RAB27B: variants seen among roughly 807,000 people sequenced by gnomAD.
The protein encoded by RAB27B is ras-related protein Rab-27B.
In RAB27B, 15 loss-of-function variants were observed where a neutral mutation model predicts 24.6. That is an observed-to-expected ratio of 0.61 (90% CI 0.41 to 0.94). The LOEUF is 0.94. Ranked by LOEUF, RAB27B falls within the 40% of genes least tolerant of loss-of-function variation. The probability of loss-of-function intolerance (pLI) is 0.00; values close to 1 mark genes in which losing one functional copy is unlikely to be tolerated. For missense variants in RAB27B, 261 were observed against 266.8 expected (o/e 0.98, Z 0.15); for synonymous variants, 105 against 92.5 (o/e 1.14, Z -0.78).
At chr18:54,781,084 T>C (rs1908901814) in intron 2 of RAB27B, among the ~76,000 whole-genome samples, 1 of 152,164 alleles carries the variant, frequency 6.6e-6, no homozygotes, top group African/African-American at 2.4e-5. Context: ...CTGCCCTGCA[T>C]TATCTCTGAC....
chr18:54,859,558 C>T (rs1911930306), intron 1 of RAB27B, among the ~76,000 whole-genome samples: 1 of 151,610 alleles, frequency 6.6e-6, no homozygotes, highest in Non-Finnish European at 1.5e-5. Context: ...TCTCTGTTGT[C>T]AGAACCTTAG....
chr18:54,795,201 G>A (rs574760927), intron 2 of RAB27B, among the ~76,000 whole-genome samples: 4 of 152,196 alleles, frequency 2.6e-5, no homozygotes, highest in Non-Finnish European at 5.9e-5. Flanking sequence ...AGTATAGCTT[G>A]AGCCCCCCCA....
At chr18:54,835,465 TCCTAAGGTTTGTAATA>T (rs1248535832) in intron 1 of RAB27B, among the ~76,000 whole-genome samples, 1 of 151,974 alleles carries the variant, frequency 6.6e-6, no homozygotes, top group Non-Finnish European at 1.5e-5. Flanking sequence ...ATCTTAATCT[TCCTAAGGTTTGTAATA>T]CCTATTCTCA....
At chr18:54,763,867 T>C (rs983924866) in intron 2 of RAB27B, among the ~76,000 whole-genome samples, 4 of 152,126 alleles carry the variant, frequency 2.6e-5, no homozygotes, top group African/African-American at 9.7e-5. Context: ...AGAGATATGA[T>C]GGAGCCTGGT....
At chr18:54,858,857 G>A (rs180981598) in intron 1 of RAB27B, among the ~76,000 whole-genome samples, 1 of 152,302 alleles carries the variant, frequency 6.6e-6, no homozygotes, top group East Asian at 1.9e-4. Flanking sequence ...TGATTCTCAA[G>A]AATTTGAGAC....
At position 54,879,453 on chromosome 18, in the gene RAB27B, C is replaced by A. The variant is rs376553954; in HGVS notation, c.238C>A (p.Arg80=). ...GCTTTGGGACACTGCGGGACAAGAG[C>A]GGTAATAGTAAATTGCTTTATTTGT... ...LQLWDTAGQE[R]FRSLTTAFFR... is the part of the protein sequence containing the mutation. The change falls in exon 3 of 6, where the codon CGG becomes AGG. Residue 80 remains arginine, a splice_region_variant and synonymous_variant. Transcript: ENST00000262094. The A allele has an allele frequency of 1.6e-5, 26 of 1,607,976 alleles. No homozygotes were observed. The highest frequency in any genetic ancestry group is 3.3e-5 in the Admixed American group (2 of 59,960).
At chr18:54,810,698 C>G (rs553288398) in intron 2 of RAB27B, among the ~76,000 whole-genome samples, 1 of 151,790 alleles carries the variant, frequency 6.6e-6, no homozygotes, top group Admixed American at 6.6e-5. Context: ...GGTGTGGTGG[C>G]GGGCACCTGT....
chr18:54,766,460 A>AT (rs1908365648), intron 2 of RAB27B, among the ~76,000 whole-genome samples: 1 of 149,668 alleles, frequency 6.7e-6, no homozygotes, highest in African/African-American at 2.5e-5. Context: ...ATGTCTCCAC[A>AT]TCTCCTTTTT....
intron 4 of RAB27B, among the ~76,000 whole-genome samples, chr18:54,887,021 TCCTC>T (rs1173610191): frequency 0.031 from 2,288 of 72,900 alleles, 166 homozygotes; most frequent in African/African-American, 0.11. Flanking sequence ...CTCCCTCCCT[TCCTC>T]CCTCCCTCCC....
chr18:54,795,975 A>C (rs1251313646), intron 2 of RAB27B, among the ~76,000 whole-genome samples: 1 of 152,222 alleles, frequency 6.6e-6, no homozygotes, highest in Non-Finnish European at 1.5e-5. Flanking sequence ...ACACCCGTGA[A>C]GCCATCACAA....
chr18:54,844,144 C>A (rs1322469696), intron 1 of RAB27B, among the ~76,000 whole-genome samples: 1 of 152,152 alleles, frequency 6.6e-6, no homozygotes, highest in East Asian at 1.9e-4. Context: ...ATATCAATAT[C>A]TTCTGAGGGA....
intron 2 of RAB27B, among the ~76,000 whole-genome samples, chr18:54,747,983 G>T (rs372898004): frequency 6.6e-6 from 1 of 151,972 alleles, no homozygotes; most frequent in South Asian, 2.1e-4. Flanking sequence ...TGATGTTGCT[G>T]TTGTCCCAAC....
chr18:54,743,804 A>G (rs1467632234), intron 2 of RAB27B, among the ~76,000 whole-genome samples: 1 of 152,238 alleles, frequency 6.6e-6, no homozygotes, highest in South Asian at 2.1e-4. Context: ...CAGTGAGATG[A>G]GAAACCCTTG....
chr18:54,845,789 A>T (rs1447362082), intron 1 of RAB27B, among the ~76,000 whole-genome samples: 2 of 152,188 alleles, frequency 1.3e-5, no homozygotes, highest in African/African-American at 4.8e-5. Flanking sequence ...ATATAATATT[A>T]ATTTTGAGAT....
chr18:54,888,197 T>G, intron 5 of RAB27B, 79 bp downstream of exon 5: 2 of 1,504,110 alleles, frequency 1.3e-6, no homozygotes, highest in Non-Finnish European at 1.8e-6. Flanking sequence ...AGATTGATAT[T>G]AGAAGAAATC....
At chr18:54,759,585 A>G (rs1908115803) in intron 2 of RAB27B, among the ~76,000 whole-genome samples, 1 of 152,224 alleles carries the variant, frequency 6.6e-6, no homozygotes, top group Admixed American at 6.5e-5. Context: ...GTCCCTGGCG[A>G]GGGCCACACC....
At chr18:54,804,356 C>G (rs1909701506) in intron 2 of RAB27B, among the ~76,000 whole-genome samples, 1 of 152,124 alleles carries the variant, frequency 6.6e-6, no homozygotes, top group Non-Finnish European at 1.5e-5. Flanking sequence ...CTTTCCCATG[C>G]TATTCTTGTG....
At chr18:54,719,135 C>A (rs1909282232) in intron 2 of RAB27B, among the ~76,000 whole-genome samples, 2 of 152,022 alleles carry the variant, frequency 1.3e-5, no homozygotes, top group Non-Finnish European at 2.9e-5. Flanking sequence ...CAATGCAAGG[C>A]ATCAACATTA....
chr18:54,829,640 A>G (rs1910599678), intron 1 of RAB27B, among the ~76,000 whole-genome samples: 1 of 152,230 alleles, frequency 6.6e-6, no homozygotes, highest in African/African-American at 2.4e-5. Context: ...ATATTCACAC[A>G]TATTCATTCA....
Sources: allele counts gnomAD v4.1 joint callset (sites outside exome capture counted in the v4.1 genomes callset), GRCh38; gene constraint gnomAD v4.1.1; transcripts MANE v1.5; gene names NCBI Gene and HGNC (gene_info 2026-07-23, HGNC 2026-07-21).